Variants in HECTD4 observed in about 807,000 individuals in gnomAD.
HECTD4 encodes probable E3 ubiquitin-protein ligase HECTD4.
Under a neutral mutation model 471.5 loss-of-function variants are expected in HECTD4, and 114 were observed. That is an observed-to-expected ratio of 0.24 (90% CI 0.21 to 0.28). HECTD4 has a LOEUF of 0.28. Ranked by LOEUF, HECTD4 falls within the 10% of genes least tolerant of loss-of-function variation. HECTD4 has a pLI of 1.00. For missense variants in HECTD4, 3,866 were observed against 5,651.5 expected (o/e 0.68, Z 10.13); for synonymous variants, 2,012 against 2,256.0 (o/e 0.89, Z 3.07).
intron 1 of HECTD4, among the ~76,000 whole-genome samples, chr12:112,321,342 C>G (rs2035580256): frequency 6.6e-6 from 1 of 152,172 alleles, no homozygotes; most frequent in African/African-American, 2.4e-5. Context: ...CAAACTAAAT[C>G]TCAAGAATCA....
chr12:112,276,079 T>A (rs964783024), intron 9 of HECTD4, among the ~76,000 whole-genome samples: 1 of 152,200 alleles, frequency 6.6e-6, no homozygotes, highest in African/African-American at 2.4e-5. Context: ...TCTCATTGTC[T>A]CACATATCTA....
chr12:112,252,623 AC>A, intron 22 of HECTD4, 95 bp from the exon 23 acceptor site: 2 of 1,376,720 alleles, frequency 1.5e-6, no homozygotes, highest in Non-Finnish European at 2.0e-6. Flanking sequence ...TTCAAAAAGG[AC>A]CACAGCAATA....
chr12:112,200,003 C>T (rs563584471), intron 55 of HECTD4, among the ~76,000 whole-genome samples: 9 of 152,334 alleles, frequency 5.9e-5, no homozygotes, highest in South Asian at 4.1e-4. Context: ...TCTGTCTAGA[C>T]GGCAAGACCT....
chr12:112,380,706 A>G (rs2036870438), intron 1 of HECTD4, among the ~76,000 whole-genome samples: 1 of 152,158 alleles, frequency 6.6e-6, no homozygotes, highest in Non-Finnish European at 1.5e-5. Flanking sequence ...AAGTCAATTA[A>G]GAGTTCATAA....
At chr12:112,336,800 C>A (rs1306566090) in intron 1 of HECTD4, among the ~76,000 whole-genome samples, 27 of 152,070 alleles carry the variant, frequency 1.8e-4, no homozygotes, top group Non-Finnish European at 2.9e-5. Flanking sequence ...AATTGTCGAA[C>A]TTGCTGATGG....
intron 1 of HECTD4, among the ~76,000 whole-genome samples, chr12:112,324,646 A>G (rs1371553461): frequency 3.9e-5 from 6 of 152,148 alleles, no homozygotes; most frequent in African/African-American, 7.2e-5. Flanking sequence ...ATCAAACTCA[A>G]GAAAGTCATA....
intron 7 of HECTD4, among the ~76,000 whole-genome samples, chr12:112,300,659 G>A (rs1370735555): frequency 1.3e-5 from 2 of 152,086 alleles, no homozygotes; most frequent in African/African-American, 4.8e-5. Context: ...ATGCAGTGGT[G>A]CAATCACAGC....
intron 37 of HECTD4, among the ~76,000 whole-genome samples, chr12:112,234,277 T>C (rs1318578220): frequency 4.6e-5 from 7 of 152,220 alleles, no homozygotes; most frequent in African/African-American, 1.7e-4. Context: ...TTTCATCAAA[T>C]TTGTACAATG....
chr12:112,273,657 T>C lies in HECTD4; in HGVS notation c.1940A>G (p.Lys647Arg), dbSNP rs369214060. The C allele has an allele frequency of 1.2e-6, 2 of 1,613,734 alleles. No individual in the cohort carries two copies. The highest frequency in any genetic ancestry group is 1.7e-6 in the Non-Finnish European group (2 of 1,179,784). The change falls in exon 11 of 76, where the codon AAA becomes AGA. Residue 647 changes from lysine to arginine, a missense_variant and splice_region_variant. Lys to Arg is a conservative substitution (Grantham distance 26, BLOSUM62 2). This residue lies in a region of HECTD4 where 525 missense variants were observed against 672.6 expected (regional missense o/e 0.78). Coordinates refer to ENST00000682272, the MANE Select transcript of HECTD4 (RefSeq NM_001388303.1). ...LGVSHIITEP[K>R]EEAITTNEVI... ...GCAAGACCCTGAGTGCACCTCACCT[T>C]TGGGCTCAGTGATAATGTGACTGAC...
intron 1 of HECTD4, among the ~76,000 whole-genome samples, chr12:112,333,507 G>A (rs1388495045): frequency 1.3e-5 from 2 of 151,826 alleles, no homozygotes; most frequent in African/African-American, 2.4e-5. Flanking sequence ...ATCTTCTTTA[G>A]AAAAAAAATT....
intron 22 of HECTD4, among the ~76,000 whole-genome samples, chr12:112,253,713 G>A (rs1375006251): frequency 6.6e-6 from 1 of 152,218 alleles, no homozygotes; most frequent in Non-Finnish European, 1.5e-5. Flanking sequence ...ATGGCCTTGT[G>A]GTTCTAGGGT....
chr12:112,233,467 C>T lies in HECTD4; in HGVS notation c.5916-382G>A, dbSNP rs577176562. Among the ~76,000 whole-genome samples the T allele has an allele frequency of 5.3e-5, 8 of 152,148 alleles. No individual in the cohort carries two copies. The South Asian group carries it at 1.7e-3, about 32-fold the overall frequency. On this transcript the variant is annotated intron_variant, in intron 37 of 75. Coordinates refer to ENST00000682272, the MANE Select transcript of HECTD4 (RefSeq NM_001388303.1). ...CGAACTCCTGGGCTCAAGCCATCCTCCTGCCTTGGACTCCTAAAGCACTGG... is the reference window on the plus strand; with the variant it reads ...CGAACTCCTGGGCTCAAGCCATCCTTCTGCCTTGGACTCCTAAAGCACTGG...
chr12:112,302,261 C>T (rs919478642), intron 7 of HECTD4: 8 of 1,097,534 alleles, frequency 7.3e-6, no homozygotes, highest in East Asian at 2.5e-5. Flanking sequence ...AACTCCTGCT[C>T]GAAGGGCAGG....
At chr12:112,375,359 C>T (rs993274227) in intron 1 of HECTD4, among the ~76,000 whole-genome samples, 50 of 152,276 alleles carry the variant, frequency 3.3e-4, no homozygotes, top group African/African-American at 1.0e-3. Context: ...TGAACATTCA[C>T]GTTCAAGTCT....
At chr12:112,358,908 G>A (rs2036396235) in intron 1 of HECTD4, among the ~76,000 whole-genome samples, 1 of 152,130 alleles carries the variant, frequency 6.6e-6, no homozygotes, top group Non-Finnish European at 1.5e-5. Flanking sequence ...GGGCGCGGTG[G>A]CTCATGCCTA....
chr12:112,161,382 GTGTC>G lies in HECTD4; in HGVS notation c.*1001_*1004del, dbSNP rs1390621436. On this transcript the variant is annotated 3_prime_UTR_variant, in exon 76 of 76. Transcript: ENST00000682272. ...CCCTGGAGTCTCCATCTGGACTTGAGTGTCTGGGTCACTAAAGCAGACCCCAAAT... is the reference window on the plus strand; with the variant it reads ...CCCTGGAGTCTCCATCTGGACTTGAGTGGGTCACTAAAGCAGACCCCAAAT... 6.6e-6 allele frequency: 1 copy of G among 152,264 alleles called. No homozygotes were observed. The highest frequency in any genetic ancestry group is 2.4e-5 in the African/African-American group (1 of 41,434). The allele number at this position is 152,264 out of a possible 1,614,324, so 9.4% of individuals were successfully genotyped here. A position where few individuals can be genotyped will look rare whatever the true frequency, so the allele number is the denominator to read the frequency against.
chr12:112,184,687 C>T lies in HECTD4; in HGVS notation c.10279G>A (p.Val3427Ile), dbSNP rs1419271954. 3 of 1,605,964 alleles carry T rather than the reference C, an allele frequency of 1.9e-6. No individual in the cohort carries two copies. The highest frequency in any genetic ancestry group is 2.5e-6 in the Non-Finnish European group (3 of 1,176,652). Reference sequence around the variant, plus strand: ...GGGATGTAGATCTCGTCTTTGAAGACCCCGCCGTGGGCGTTGCAGGCCTTG... The same window carrying T: ...GGGATGTAGATCTCGTCTTTGAAGATCCCGCCGTGGGCGTTGCAGGCCTTG... ...IRKACNAHGG[V>I]FKDEIYIPLQ... Residue 3427 changes from valine to isoleucine, a missense_variant, in exon 61 of 76, where the codon GTC (valine) becomes ATC (isoleucine). Coordinates refer to ENST00000682272, the MANE Select transcript of HECTD4 (RefSeq NM_001388303.1). The surrounding 1 kb of genome is among the most constrained non-coding windows in gnomAD (Gnocchi z 9.1).
intron 4 of HECTD4, among the ~76,000 whole-genome samples, chr12:112,311,004 G>A (rs2135688274): frequency 6.6e-6 from 1 of 152,298 alleles, no homozygotes; most frequent in South Asian, 2.1e-4. Context: ...GCTCATGCCT[G>A]TAATCCCAAC....
intron 52 of HECTD4, among the ~76,000 whole-genome samples, chr12:112,204,998 T>G (rs1049209514): frequency 6.6e-6 from 1 of 150,900 alleles, no homozygotes; most frequent in Non-Finnish European, 1.5e-5. Context: ...CCAGGCATGG[T>G]GGCAGGCGCC....
Sources: gnomAD v4.1 joint callset for allele counts (sites outside exome capture counted in the v4.1 genomes callset) on GRCh38, gnomAD v4.1.1 for gene constraint, gnomAD v4.1.1 regional missense constraint, Gnocchi (gnomAD v3.1) non-coding constraint, MANE v1.5 for transcripts, NCBI Gene and HGNC (gene_info 2026-07-23, HGNC 2026-07-21) for gene names.